GOT2: variants seen among roughly 807,000 people sequenced by gnomAD.
The protein encoded by GOT2 is aspartate aminotransferase, mitochondrial.
A neutral mutation model predicts 50.0 loss-of-function variants in GOT2; 17 were observed. That is an observed-to-expected ratio of 0.34 (90% CI 0.23 to 0.51). The LOEUF (loss-of-function observed/expected upper bound fraction) is 0.51. GOT2 is among the 20% of genes least tolerant of loss of function. The pLI is 0.97. For missense variants in GOT2, 430 were observed against 559.6 expected, an observed-to-expected ratio of 0.77 and a Z score of 2.34; for synonymous variants, 172 against 204.9, an observed-to-expected ratio of 0.84 and a Z score of 1.37.
intron 9 of GOT2, chr16:58,709,185 C>T (rs2044625190): frequency 2.5e-6 from 1 of 394,708 alleles, no homozygotes; most frequent in Admixed American, 4.0e-5. Context: ...TCACTTAAGC[C>T]CTGGGAGGTG....
intron 3 of GOT2, among the ~76,000 whole-genome samples, chr16:58,720,117 G>T (rs2044729269): frequency 6.6e-6 from 1 of 152,206 alleles, no homozygotes; most frequent in Admixed American, 6.5e-5. Context: ...CGGGAGAATT[G>T]CTTGAACCCA....
At position 58,722,251 on chromosome 16, in the gene GOT2, A is replaced by T; in HGVS notation, c.274T>A (p.Leu92Met). Reference protein sequence around the residue: ...KAEAQIAAKNLDKEYLPIGGL... With the variant: ...KAEAQIAAKNMDKEYLPIGGL... ...CCAATGGGCAGGTATTCCTTGTCCAAATTTTTTGCGGCAATCTGGGCCTCT... is the reference window on the plus strand; with the variant it reads ...CCAATGGGCAGGTATTCCTTGTCCATATTTTTTGCGGCAATCTGGGCCTCT... The change falls in exon 3 of 10, where the codon TTG becomes ATG. Residue 92 changes from leucine to methionine, a missense_variant. Leu to Met is a conservative substitution (Grantham distance 15). Coordinates refer to ENST00000245206, the MANE Select transcript of GOT2 (RefSeq NM_002080.4). 1 of 1,613,674 alleles carries T rather than the reference A, an allele frequency of 6.2e-7. No homozygotes were observed. The highest frequency in any genetic ancestry group is 8.5e-7 in the Non-Finnish European group (1 of 1,179,946).
chr16:58,721,733 C>T (rs981396064), intron 3 of GOT2: 2 of 153,134 alleles, frequency 1.3e-5, no homozygotes, highest in East Asian at 1.9e-4. Flanking sequence ...GTGGCCTCCT[C>T]AAAACAATCA....
intron 8 of GOT2, among the ~76,000 whole-genome samples, chr16:58,714,379 C>T (rs1250383747): frequency 6.6e-6 from 1 of 151,924 alleles, no homozygotes; most frequent in African/African-American, 2.4e-5. Context: ...GGCGAAACCC[C>T]GTCTCTACTA....
chr16:58,733,335 A>G (rs1466266651), intron 1 of GOT2, among the ~76,000 whole-genome samples: 1 of 152,066 alleles, frequency 6.6e-6, no homozygotes, highest in African/African-American at 2.4e-5. Context: ...CGCCTTGTTC[A>G]CAGTTGTATC....
intron 8 of GOT2, among the ~76,000 whole-genome samples, chr16:58,710,862 G>T (rs2044641455): frequency 1.3e-5 from 2 of 151,642 alleles, no homozygotes; most frequent in African/African-American, 2.4e-5. Flanking sequence ...CAGCTGCTGG[G>T]GAGGCTGAGG....
intron 8 of GOT2, among the ~76,000 whole-genome samples, chr16:58,709,819 C>T (rs30841): frequency 0.74 from 112,924 of 152,108 alleles, 42,552 homozygotes; most frequent in Middle Eastern, 0.9. Context: ...TGACTTACAA[C>T]TTTTCAACTT....
Position 58,719,187 on chromosome 16 carries a change from C to A in GOT2, c.435+9G>T. 6.2e-7 allele frequency: 1 copy of A among 1,604,562 alleles called. No homozygotes were observed. The highest frequency in any genetic ancestry group is 1.1e-5 in the South Asian group (1 of 90,886). On this transcript the variant is annotated intron_variant, in intron 4 of 9. Transcript: ENST00000245206. ...TATAATTCTTTCCTGAAGAAGCTTC[C>A]AGACTCACCAGAAAACTGGCTCCGA...
intron 3 of GOT2, among the ~76,000 whole-genome samples, chr16:58,720,348 A>G (rs1215599970): frequency 6.6e-6 from 1 of 152,186 alleles, no homozygotes; most frequent in African/African-American, 2.4e-5. Flanking sequence ...ACAAACAAGA[A>G]ATTACCATAG....
rs751715983 is a variant in GOT2, at chr16:58,733,983, G to A, written c.89+157C>T. 4.1e-5 allele frequency: 17 copies of A among 409,880 alleles called. No homozygotes were observed. In the Admixed American group the frequency reaches 7.1e-4, roughly 17 times the overall value. 25.4% of individuals were successfully genotyped at this position (409,880 alleles called of 1,614,324 possible). On this transcript the variant is annotated intron_variant, in intron 1 of 9. Transcript: ENST00000245206. ...ACGGACGCTCAATCCTCAGTCCCCA[G>A]TAAGGGAAAGCCGAGGGGGTGGCAG...
Position 58,716,063 on chromosome 16 carries a change from C to A in GOT2, c.970G>T (p.Ala324Ser). The change falls in exon 8 of 10, where the codon GCC becomes TCC. Residue 324 changes from alanine to serine, a missense_variant. Physicochemically the swap from Ala to Ser is moderately conservative, Grantham distance 99. Coordinates refer to ENST00000245206, the MANE Select transcript of GOT2 (RefSeq NM_002080.4). The stretch of plus-strand genomic sequence containing the variant: ...TTCAGAATGGCAGCAGCAATCCGGG[C>A]CCCATTGAGGGGAGGGTTGGAATAC... ...PMYSNPPLNGARIAAAILNTP... is the reference protein window; with the variant it reads ...PMYSNPPLNGSRIAAAILNTP... 2 of 1,613,684 alleles carry A rather than the reference C, an allele frequency of 1.2e-6. No individual in the cohort carries two copies. The highest frequency in any genetic ancestry group is 2.2e-5 in the East Asian group (1 of 44,858).
At chr16:58,721,345 T>C (rs915834755) in intron 3 of GOT2, among the ~76,000 whole-genome samples, 8 of 152,152 alleles carry the variant, frequency 5.3e-5, no homozygotes, top group African/African-American at 1.2e-4. Context: ...AGTTCACATG[T>C]TGGGAGCGTG....
At chr16:58,708,520 GCTGGAACCTGGAAC>G (rs1183079765) in intron 9 of GOT2, among the ~76,000 whole-genome samples, 1 of 152,138 alleles carries the variant, frequency 6.6e-6, no homozygotes, top group East Asian at 1.9e-4. Flanking sequence ...CAGGAGAATA[GCTGGAACCTGGAAC>G]CTGGAACCTG....
intron 1 of GOT2, among the ~76,000 whole-genome samples, chr16:58,725,977 G>T (rs757340835): frequency 2.0e-5 from 3 of 152,180 alleles, no homozygotes; most frequent in Non-Finnish European, 2.9e-5. Flanking sequence ...TTTTATTTAT[G>T]TGGGGTATAA....
intron 5 of GOT2, 68 bp downstream of exon 5, chr16:58,718,459 T>G: frequency 3.5e-6 from 5 of 1,445,380 alleles, no homozygotes; most frequent in Non-Finnish European, 4.7e-6. Context: ...TGGGACATGG[T>G]GGGAGACATC....
chr16:58,733,852 C>T (rs1185160499), intron 1 of GOT2: 4 of 361,978 alleles, frequency 1.1e-5, no homozygotes, highest in Non-Finnish European at 1.5e-5. Flanking sequence ...GTCCGGCAAC[C>T]GCCGAGGGCC....
Position 58,708,064 on chromosome 16 carries a change from A to C in GOT2, c.*107T>G, listed in dbSNP as rs761405057. ...GAGTGTTACACACTGTGGCTGAAAG[A>C]AATGATCCACTCACCACCATCCACC... On this transcript the variant is annotated 3_prime_UTR_variant, in exon 10 of 10. Transcript: ENST00000245206. 211 of 1,097,204 alleles carry C rather than the reference A, an allele frequency of 1.9e-4. No homozygotes were observed. Among genetic ancestry groups the C allele is most frequent in the Non-Finnish European group, 2.5e-4 (190 of 755,234 alleles). 68.0% of individuals were successfully genotyped at this position (1,097,204 alleles called of 1,614,324 possible). A position where few individuals can be genotyped will look rare whatever the true frequency, so the allele number is the denominator to read the frequency against.
chr16:58,720,943 T>A (rs9934653), intron 3 of GOT2, among the ~76,000 whole-genome samples: 1 of 152,102 alleles, frequency 6.6e-6, no homozygotes, highest in African/African-American at 2.4e-5. Context: ...GCCAGTTTCA[T>A]ACTTAGGTTG....
chr16:58,719,534 G>C (rs761465320), intron 3 of GOT2, among the ~76,000 whole-genome samples: 22 of 152,128 alleles, frequency 1.4e-4, no homozygotes, highest in Non-Finnish European at 7.4e-5. Flanking sequence ...AAGGCGGGTG[G>C]ATCACCTGAG....
Sources: gnomAD v4.1 joint callset for allele counts (sites outside exome capture counted in the v4.1 genomes callset) on GRCh38, gnomAD v4.1.1 for gene constraint, MANE v1.5 for transcripts, NCBI Gene and HGNC (gene_info 2026-07-23, HGNC 2026-07-21) for gene names.